SFMBT1: variants seen among roughly 807,000 people sequenced by gnomAD.
SFMBT1 encodes scm-like with four MBT domains protein 1.
Under a neutral mutation model 108.7 loss-of-function variants are expected in SFMBT1, and 32 were observed. The observed-to-expected ratio is 0.29, with a 90% CI of 0.22 to 0.40. The LOEUF is 0.40. Ranked by LOEUF, SFMBT1 falls within the 10% of genes least tolerant of loss-of-function variation. The probability of loss-of-function intolerance (pLI) is 1.00; values close to 1 mark genes in which losing one functional copy is unlikely to be tolerated. For missense variants in SFMBT1, 816 were observed against 1,059.6 expected (o/e 0.77, Z 3.19); for synonymous variants, 348 against 369.5 (o/e 0.94, Z 0.67).
intron 1 of SFMBT1, among the ~76,000 whole-genome samples, chr3:53,044,298 C>G (rs1700142988): frequency 6.6e-6 from 1 of 152,152 alleles, no homozygotes; most frequent in Admixed American, 6.6e-5. Flanking sequence ...GAAAGCACCC[C>G]CAAACATCAT....
At chr3:53,010,265 T>C (rs1314725563) in intron 1 of SFMBT1, among the ~76,000 whole-genome samples, 1 of 152,232 alleles carries the variant, frequency 6.6e-6, no homozygotes, top group Non-Finnish European at 1.5e-5. Flanking sequence ...CAGAAAGCTA[T>C]TCTGGCTCTT....
intron 10 of SFMBT1, among the ~76,000 whole-genome samples, chr3:52,924,399 C>T (rs1473555244): frequency 3.9e-5 from 6 of 152,056 alleles, no homozygotes; most frequent in Middle Eastern, 3.4e-3. Flanking sequence ...CCCAGCACTA[C>T]GGGAGGCTGA....
intron 2 of SFMBT1, among the ~76,000 whole-genome samples, chr3:52,968,828 C>T (rs905619155): frequency 1.3e-5 from 2 of 152,046 alleles, no homozygotes; most frequent in Non-Finnish European, 2.9e-5. Context: ...CTCCTGACCT[C>T]GTGATCTGCC....
At chr3:52,949,300 G>C (rs900089729) in intron 3 of SFMBT1, among the ~76,000 whole-genome samples, 5 of 152,266 alleles carry the variant, frequency 3.3e-5, no homozygotes, top group African/African-American at 1.2e-4. Flanking sequence ...TGTTGAAGTA[G>C]TCTATAGATG....
At chr3:52,970,355 A>G (rs371599029) in intron 1 of SFMBT1, among the ~76,000 whole-genome samples, 1 of 152,216 alleles carries the variant, frequency 6.6e-6, no homozygotes, top group African/African-American at 2.4e-5. Context: ...AACATTTCAC[A>G]TAAATGGAAC....
intron 1 of SFMBT1, among the ~76,000 whole-genome samples, chr3:53,042,015 A>G (rs1700075259): frequency 6.6e-6 from 1 of 152,232 alleles, no homozygotes; most frequent in South Asian, 2.1e-4. Flanking sequence ...AATATTGGTT[A>G]TAAGCCAAAT....
chr3:52,961,322 C>T (rs1341577742), intron 2 of SFMBT1, among the ~76,000 whole-genome samples: 1 of 152,116 alleles, frequency 6.6e-6, no homozygotes, highest in African/African-American at 2.4e-5. Flanking sequence ...ACAGGTATAC[C>T]TTTCCATTTG....
intron 1 of SFMBT1, among the ~76,000 whole-genome samples, chr3:52,977,689 T>C (rs1379223836): frequency 6.6e-6 from 1 of 152,168 alleles, no homozygotes; most frequent in East Asian, 1.9e-4. Flanking sequence ...TGTATACATA[T>C]AACCTATATC....
At chr3:52,931,128 T>C (rs1702845400) in intron 6 of SFMBT1, 93 bp from the exon 7 acceptor site, 4 of 1,149,334 alleles carry the variant, frequency 3.5e-6, no homozygotes, top group East Asian at 2.4e-5. Context: ...AACAAGTCAC[T>C]TTCCACTGGA....
At chr3:52,959,057 A>G (rs79003687) in intron 2 of SFMBT1, among the ~76,000 whole-genome samples, 3 of 152,050 alleles carry the variant, frequency 2.0e-5, no homozygotes, top group African/African-American at 4.8e-5. Context: ...GTTCTCACTT[A>G]TAAGTGGGAG....
intron 8 of SFMBT1, among the ~76,000 whole-genome samples, chr3:52,929,291 G>C (rs937143897): frequency 6.6e-6 from 1 of 152,168 alleles, no homozygotes; most frequent in African/African-American, 2.4e-5. Flanking sequence ...CCAGGCTGGA[G>C]TGCAATGGCA....
At chr3:52,987,309 A>G (rs949764983) in intron 1 of SFMBT1, among the ~76,000 whole-genome samples, 5 of 152,228 alleles carry the variant, frequency 3.3e-5, no homozygotes, top group African/African-American at 1.2e-4. Context: ...AGTATTATGT[A>G]CTGTACATAA....
At chr3:52,925,420 T>C (rs1211767179) in intron 10 of SFMBT1, among the ~76,000 whole-genome samples, 1 of 152,224 alleles carries the variant, frequency 6.6e-6, no homozygotes, top group Non-Finnish European at 1.5e-5. Flanking sequence ...CTCAGCACCA[T>C]AAGACAGGGT....
At chr3:52,978,344 T>C (rs999998081) in intron 1 of SFMBT1, among the ~76,000 whole-genome samples, 2 of 152,008 alleles carry the variant, frequency 1.3e-5, no homozygotes, top group African/African-American at 2.4e-5. Context: ...TGGTGCCAAG[T>C]AAGCAAGCAA....
rs10646648 is a variant in SFMBT1, at chr3:52,974,833, TAAAAAAAAAAAAAA to T, written c.-130-5589_-130-5576del. 7.7e-5 allele frequency among the ~76,000 whole-genome samples: 7 copies of T among 90,712 alleles called. 1 individual carries two copies. Among genetic ancestry groups the T allele is most frequent in the Admixed American group, 3.7e-4 (3 of 8,102 alleles). 59.5% of individuals were successfully genotyped at this position (90,712 alleles called of 152,430 possible). The stretch of plus-strand genomic sequence containing the variant: ...GGCAAGACCCTGTCTCTATAAAAAG[TAAAAAAAAAAAAAA>T]AAAAAAAAAATTAGCTGAGTGTGGT... On this transcript the variant is annotated intron_variant, in intron 1 of 20. Transcript: ENST00000394752.
At chr3:52,953,273 C>T (rs991368049) in intron 3 of SFMBT1, among the ~76,000 whole-genome samples, 14 of 151,992 alleles carry the variant, frequency 9.2e-5, no homozygotes, top group Non-Finnish European at 1.9e-4. Flanking sequence ...TAAGACTGGC[C>T]GACATGGTGA....
In SFMBT1 at chr3:52,930,392, G is replaced by A. The variant is rs1702819436; in HGVS notation, c.834C>T (p.Asn278=). Residue 278 remains asparagine (N), a synonymous_variant, in exon 8 of 21, where the codon AAC becomes AAT. Coordinates refer to ENST00000394752, the MANE Select transcript of SFMBT1 (RefSeq NM_016329.4). ...QVIGIHTFSV[N]MKLEAVDPWS... is the part of the protein sequence containing the mutation. The stretch of plus-strand genomic sequence containing the variant: ...AGGGGTCTACAGCTTCCAATTTCAT[G>A]TTTACAGAGAATGTATGAATGCCAA... The A allele has an allele frequency of 6.2e-7, 1 of 1,613,538 alleles. No individual in the cohort carries two copies. Among genetic ancestry groups the A allele is most frequent in the Non-Finnish European group, 8.5e-7 (1 of 1,179,410 alleles).
chr3:53,019,188 G>A (rs762211508), intron 1 of SFMBT1: 4 of 152,154 alleles, frequency 2.6e-5, no homozygotes, highest in Non-Finnish European at 5.9e-5. Flanking sequence ...CAGCTACTGG[G>A]GAGGCTGAGG....
At chr3:53,001,179 G>A (rs28410990) in intron 1 of SFMBT1, among the ~76,000 whole-genome samples, 4,816 of 150,194 alleles carry the variant, frequency 0.032, 338 homozygotes, top group African/African-American at 0.11. Flanking sequence ...AACATGGGAG[G>A]GAAGGTTCTA....
Sources: gnomAD v4.1 joint callset for allele counts (sites outside exome capture counted in the v4.1 genomes callset) on GRCh38, gnomAD v4.1.1 for gene constraint, MANE v1.5 for transcripts, NCBI Gene and HGNC (gene_info 2026-07-23, HGNC 2026-07-21) for gene names.